The following RAB3GAP2 variants were observed in gnomAD, a reference collection of about 807,000 sequenced individuals.
The protein encoded by RAB3GAP2 is rab3 GTPase-activating protein non-catalytic subunit.
In RAB3GAP2, 87 loss-of-function variants were observed where a neutral mutation model predicts 185.3. That is an observed-to-expected ratio of 0.47 (90% CI 0.39 to 0.56). The LOEUF (loss-of-function observed/expected upper bound fraction) is 0.56, where lower values mean the gene tolerates loss of function less well. Among genes scored for constraint, RAB3GAP2 ranks in the 20% least tolerant of loss-of-function variants. The pLI is 0.00. For synonymous variants in RAB3GAP2, 554 were observed against 576.1 expected (o/e 0.96, Z 0.55); for missense variants, 1,492 against 1,638.2 (o/e 0.91, Z 1.54).
chr1:220,265,091 A>G (rs573756714), intron 1 of RAB3GAP2, among the ~76,000 whole-genome samples: 205 of 152,178 alleles, frequency 1.3e-3, no homozygotes, highest in Admixed American at 2.1e-3. Flanking sequence ...GTAACTCTAT[A>G]TATTTTCTGA....
intron 24 of RAB3GAP2, among the ~76,000 whole-genome samples, chr1:220,169,092 A>G (rs2102857923): frequency 6.6e-6 from 1 of 152,318 alleles, no homozygotes; most frequent in South Asian, 2.1e-4. Flanking sequence ...TGCTTAGGTT[A>G]ATATTCAAAT....
intron 1 of RAB3GAP2, chr1:220,271,055 A>G (rs1231745368): frequency 6.6e-6 from 1 of 152,214 alleles, no homozygotes; most frequent in African/African-American, 2.4e-5. Context: ...AGGCTTAAGT[A>G]TCACCACTTC....
At chr1:220,221,514 A>AAATG (rs1003260592) in intron 2 of RAB3GAP2, among the ~76,000 whole-genome samples, 5 of 152,192 alleles carry the variant, frequency 3.3e-5, no homozygotes, top group Admixed American at 6.5e-5. Flanking sequence ...ATAAAGGCAA[A>AAATG]AATGAATGAA....
At chr1:220,204,994 T>A (rs186560599) in intron 8 of RAB3GAP2, among the ~76,000 whole-genome samples, 2 of 152,070 alleles carry the variant, frequency 1.3e-5, no homozygotes. Flanking sequence ...TGTTGTCTAT[T>A]GTTGTTGGAC....
chr1:220,162,398 T>C (rs1463447847), intron 27 of RAB3GAP2, 130 bp from the exon 28 acceptor site: 2 of 657,642 alleles, frequency 3.0e-6, no homozygotes, highest in Non-Finnish European at 5.3e-6. Flanking sequence ...TCTCATGTAA[T>C]ATTTATAAAG....
chr1:220,245,840 C>A (rs1377154084), intron 1 of RAB3GAP2, among the ~76,000 whole-genome samples: 3 of 152,246 alleles, frequency 2.0e-5, no homozygotes, highest in Admixed American at 6.5e-5. Context: ...CAGACTGCCT[C>A]TTCAAGTGGG....
rs757230922 is a variant in RAB3GAP2, at chr1:220,182,284, C to A, written c.2283G>T (p.Ser761=). ...ACAACAGCTGAGGGCTAAGACCAGC[C>A]GACTCCAAAGTGTGACACATATCCT... is the stretch of plus-strand genomic sequence containing the variant. ...STEDMCHTLE[S]AGLSPQLLLS... is the part of the protein sequence containing the mutation. Residue 761 remains serine (S), a synonymous_variant, in exon 21 of 35, where the codon TCG becomes TCT. Transcript: ENST00000358951. 1 of 1,613,936 alleles carries A rather than the reference C, an allele frequency of 6.2e-7. No individual in the cohort carries two copies. Among genetic ancestry groups the A allele is most frequent in the South Asian group, 1.1e-5 (1 of 91,072 alleles).
chr1:220,237,846 T>C (rs893260538), intron 1 of RAB3GAP2, among the ~76,000 whole-genome samples: 9 of 151,368 alleles, frequency 5.9e-5, no homozygotes, highest in Admixed American at 4.6e-4. Context: ...ATGAGCTACC[T>C]ATGTAATTTT....
chr1:220,225,172 C>T (rs1423951252), intron 2 of RAB3GAP2, among the ~76,000 whole-genome samples: 1 of 152,166 alleles, frequency 6.6e-6, no homozygotes, highest in African/African-American at 2.4e-5. Flanking sequence ...GCCACAGAGA[C>T]CAAGCCTAGA....
chr1:220,267,302 C>T (rs1660245771), intron 1 of RAB3GAP2: 2 of 961,278 alleles, frequency 2.1e-6, no homozygotes, highest in East Asian at 4.8e-5. Context: ...ATTAGGTAGA[C>T]TCTGGTGGCA....
chr1:220,172,064 G>A lies in RAB3GAP2; in HGVS notation c.2417-15C>T, dbSNP rs764550693. 6.2e-7 allele frequency: 1 copy of A among 1,613,602 alleles called. No homozygotes were observed. Among genetic ancestry groups the A allele is most frequent in the South Asian group, 1.1e-5 (1 of 91,002 alleles). The stretch of plus-strand genomic sequence containing the variant: ...ATCGATGGCCACTATAGGGATAGGA[G>A]AAAACAGAAAAATAAACTCTTACCC... On this transcript the variant is annotated splice_polypyrimidine_tract_variant and intron_variant, in intron 22 of 34. Transcript: ENST00000358951.
At chr1:220,160,347 G>A (rs2102853507) in intron 28 of RAB3GAP2, among the ~76,000 whole-genome samples, 1 of 152,288 alleles carries the variant, frequency 6.6e-6, no homozygotes, top group African/African-American at 2.4e-5. Flanking sequence ...TGGGATTACT[G>A]CAACAGCCTT....
In RAB3GAP2 at chr1:220,190,468, T is replaced by G. The variant is rs1466871814; in HGVS notation, c.1540A>C (p.Ser514Arg). 6.2e-7 allele frequency: 1 copy of G among 1,610,426 alleles called. No individual in the cohort carries two copies. Among genetic ancestry groups the G allele is most frequent in the South Asian group, 1.1e-5 (1 of 90,994 alleles). The change falls in exon 15 of 35, where the codon AGT becomes CGT. Residue 514 changes from serine (S) to arginine (R), a missense_variant. Physicochemically the swap from Ser to Arg is moderately radical, Grantham distance 110. This residue lies in a region of RAB3GAP2 where 681 missense variants were observed against 689.1 expected (regional missense o/e 0.99). Coordinates refer to ENST00000358951, the MANE Select transcript of RAB3GAP2 (RefSeq NM_012414.4). Reference sequence around the variant, plus strand: ...ATCTGATAAGTCTGTGGCTGCCAACTCTGACTGGTAACATTATTTAAACCC... The same window carrying G: ...ATCTGATAAGTCTGTGGCTGCCAACGCTGACTGGTAACATTATTTAAACCC... ...IMGLNNVTSQ[S>R]WQPQTYQICL...
chr1:220,266,850 C>T, intron 1 of RAB3GAP2: 3 of 1,597,474 alleles, frequency 1.9e-6, no homozygotes, highest in Non-Finnish European at 2.6e-6. Flanking sequence ...AGGTCCCTGG[C>T]TCCCTCTGTT....
At chr1:220,172,561 TC>T (rs1658198913) in intron 22 of RAB3GAP2, 75 bp downstream of exon 22, 1 of 958,318 alleles carries the variant, frequency 1.0e-6, no homozygotes, top group Non-Finnish European at 1.7e-6. Context: ...TGTTAAGGGA[TC>T]CTATCCACTC....
intron 1 of RAB3GAP2, among the ~76,000 whole-genome samples, chr1:220,251,338 A>T (rs1659926450): frequency 6.6e-6 from 1 of 152,076 alleles, no homozygotes; most frequent in Non-Finnish European, 1.5e-5. Flanking sequence ...TTCAAAGGAG[A>T]ATATGAAACA....
chr1:220,232,758 T>C, intron 2 of RAB3GAP2, 41 bp downstream of exon 2: 1 of 1,501,232 alleles, frequency 6.7e-7, no homozygotes, highest in Non-Finnish European at 9.3e-7. Context: ...AAAAGGAAAA[T>C]GCCACTATCA....
chr1:220,185,373 A>G (rs1340427473), intron 18 of RAB3GAP2, among the ~76,000 whole-genome samples: 1 of 152,174 alleles, frequency 6.6e-6, no homozygotes, highest in African/African-American at 2.4e-5. Context: ...ACATTAATAC[A>G]AAGCTATATC....
chr1:220,152,278 T>C (rs1657771980), intron 33 of RAB3GAP2, among the ~76,000 whole-genome samples: 1 of 152,054 alleles, frequency 6.6e-6, no homozygotes, highest in Non-Finnish European at 1.5e-5. Flanking sequence ...GGTTTCACCA[T>C]GTTGCCCAGG....
Sources: gnomAD v4.1 joint callset for allele counts (sites outside exome capture counted in the v4.1 genomes callset) on GRCh38, gnomAD v4.1.1 for gene constraint, gnomAD v4.1.1 regional missense constraint, MANE v1.5 for transcripts, NCBI Gene and HGNC (gene_info 2026-07-23, HGNC 2026-07-21) for gene names.